The following STXBP6 variants were observed in gnomAD, a reference collection of about 807,000 sequenced individuals.
The protein encoded by STXBP6 is syntaxin binding protein 6.
In STXBP6, 21 loss-of-function variants were observed where a neutral mutation model predicts 26.9. The ratio of observed to expected loss-of-function variants is 0.78; its 90% CI spans 0.55 to 1.12. The LOEUF is 1.12. STXBP6 is among the 50% of genes most tolerant of loss of function. The pLI, the probability that STXBP6 is intolerant of heterozygous loss-of-function variation, is 0.00. For missense variants in STXBP6, 232 were observed against 257.9 expected (o/e 0.90, Z 0.69); for synonymous variants, 97 against 92.6 (o/e 1.05, Z -0.27).
intron 2 of STXBP6, among the ~76,000 whole-genome samples, chr14:24,899,203 T>A (rs1173332417): frequency 7.2e-5 from 11 of 152,186 alleles, no homozygotes. Flanking sequence ...ATAAATTTGA[T>A]TTCTAAATTA....
intron 2 of STXBP6, among the ~76,000 whole-genome samples, chr14:24,957,306 A>G (rs4983044): frequency 0.45 from 68,234 of 151,950 alleles, 15,454 homozygotes; most frequent in Non-Finnish European, 0.48. Context: ...TTAAATTGAA[A>G]CTCTATTGGT....
Position 24,904,490 on chromosome 14 carries a change from T to C in STXBP6, c.155-47333A>G, listed in dbSNP as rs141692522. Among the ~76,000 whole-genome samples, 16 of 152,302 alleles carry C rather than the reference T, an allele frequency of 1.1e-4. No individual in the cohort carries two copies. The East Asian group carries it at 1.7e-3, about 17-fold the overall frequency. ...CAACCTAATACCTATTATATATCTG[T>C]TCTGGACTAAAGTGTGTCCCCCCAA... On this transcript the variant is annotated intron_variant, in intron 2 of 5. Coordinates refer to ENST00000323944, the MANE Select transcript of STXBP6 (RefSeq NM_001394410.1).
intron 1 of STXBP6, among the ~76,000 whole-genome samples, chr14:24,981,395 T>G (rs775413793): frequency 3.9e-5 from 6 of 152,018 alleles, no homozygotes; most frequent in Non-Finnish European, 5.9e-5. Context: ...CTCAGCCTCC[T>G]GAGTAGCTGG....
chr14:24,910,609 C>T (rs2071537857), intron 2 of STXBP6, among the ~76,000 whole-genome samples: 1 of 152,160 alleles, frequency 6.6e-6, no homozygotes, highest in Non-Finnish European at 1.5e-5. Flanking sequence ...ATGAACTTTG[C>T]AACTCACAAT....
At chr14:24,960,317 G>T (rs1167607450) in intron 2 of STXBP6, among the ~76,000 whole-genome samples, 3 of 152,114 alleles carry the variant, frequency 2.0e-5, no homozygotes, top group Admixed American at 1.3e-4. Flanking sequence ...CTGCAGCAAA[G>T]GTTTCTACCT....
intron 4 of STXBP6, among the ~76,000 whole-genome samples, chr14:24,835,265 T>A (rs2068577841): frequency 6.6e-6 from 1 of 152,182 alleles, no homozygotes; most frequent in Non-Finnish European, 1.5e-5. Flanking sequence ...AACTCACAGA[T>A]CTTCTTCGAG....
intron 1 of STXBP6, among the ~76,000 whole-genome samples, chr14:24,983,606 T>C (rs562650145): frequency 6.6e-6 from 1 of 152,190 alleles, no homozygotes; most frequent in African/African-American, 2.4e-5. Flanking sequence ...GAGGAGGGTA[T>C]GATTGATAAC....
At chr14:24,877,292 C>T (rs998672708) in intron 2 of STXBP6, among the ~76,000 whole-genome samples, 4 of 152,230 alleles carry the variant, frequency 2.6e-5, no homozygotes, top group African/African-American at 9.6e-5. Context: ...ACTACTTGTT[C>T]TTTTTAAAAT....
At chr14:24,944,386 T>C (rs969730787) in intron 2 of STXBP6, among the ~76,000 whole-genome samples, 3 of 152,200 alleles carry the variant, frequency 2.0e-5, no homozygotes, top group Non-Finnish European at 2.9e-5. Flanking sequence ...ACTAAAGTTA[T>C]TTTTAAACAC....
At chr14:25,045,222 C>T (rs2075706760) in intron 1 of STXBP6, among the ~76,000 whole-genome samples, 1 of 152,104 alleles carries the variant, frequency 6.6e-6, no homozygotes, top group Admixed American at 6.5e-5. Flanking sequence ...ATAAATGTAA[C>T]CAAGTTTTTG....
intron 4 of STXBP6, among the ~76,000 whole-genome samples, chr14:24,819,715 C>T (rs1018784976): frequency 2.6e-5 from 4 of 152,178 alleles, no homozygotes; most frequent in Admixed American, 1.3e-4. Context: ...ACCCCTTCAT[C>T]CAGCAAGTAA....
intron 1 of STXBP6, among the ~76,000 whole-genome samples, chr14:25,007,731 C>T (rs2074935445): frequency 6.6e-6 from 1 of 152,188 alleles, no homozygotes; most frequent in African/African-American, 2.4e-5. Flanking sequence ...TGAATTATTT[C>T]CTCCAAATCT....
intron 1 of STXBP6, among the ~76,000 whole-genome samples, chr14:25,000,358 T>C (rs555825149): frequency 6.7e-6 from 1 of 148,900 alleles, no homozygotes; most frequent in South Asian, 2.2e-4. Flanking sequence ...CCACCGTGCC[T>C]GGCCTTTTTT....
chr14:24,968,744 C>T (rs1395170926), intron 2 of STXBP6, among the ~76,000 whole-genome samples: 1 of 151,904 alleles, frequency 6.6e-6, no homozygotes, highest in Admixed American at 6.6e-5. Context: ...AAACTAAAGC[C>T]CAGAAAAATC....
rs74037456 is a variant in STXBP6, at chr14:25,018,582, G to A, written c.-33+31296C>T. 5.7e-3 allele frequency among the ~76,000 whole-genome samples: 863 copies of A among 152,236 alleles called. 10 individuals are homozygous for A. Among genetic ancestry groups the A allele is most frequent in the African/African-American group, 0.02 (820 of 41,538 alleles). On this transcript the variant is annotated intron_variant, in intron 1 of 5. Transcript: ENST00000323944. ...CCATCTTTCCACACTCCTTCCTCAA[G>A]GGTGATTTTCAGAGTCATGAATGTT...
At chr14:25,036,268 C>T (rs1480199484) in intron 1 of STXBP6, among the ~76,000 whole-genome samples, 1 of 146,658 alleles carries the variant, frequency 6.8e-6, no homozygotes, top group African/African-American at 2.5e-5. Context: ...CAGCTTTCTA[C>T]ATCCTCAGCT....
At chr14:25,005,875 T>C (rs2074884241) in intron 1 of STXBP6, among the ~76,000 whole-genome samples, 1 of 151,374 alleles carries the variant, frequency 6.6e-6, no homozygotes, top group African/African-American at 2.4e-5. Context: ...CAGGGAAAGA[T>C]TTTGGACAAT....
At chr14:24,979,952 A>G (rs571608220) in intron 1 of STXBP6, among the ~76,000 whole-genome samples, 1 of 152,352 alleles carries the variant, frequency 6.6e-6, no homozygotes, top group East Asian at 1.9e-4. Flanking sequence ...GCTTAACTGT[A>G]CTTAACTGCT....
At chr14:25,036,872 A>G (rs1011011517) in intron 1 of STXBP6, among the ~76,000 whole-genome samples, 5 of 151,888 alleles carry the variant, frequency 3.3e-5, no homozygotes, top group Admixed American at 6.6e-5. Context: ...AAAAAAAAAA[A>G]AAAGAAATCA....
Sources: gnomAD v4.1 joint callset for allele counts (sites outside exome capture counted in the v4.1 genomes callset) on GRCh38, gnomAD v4.1.1 for gene constraint, MANE v1.5 for transcripts, NCBI Gene and HGNC (gene_info 2026-07-23, HGNC 2026-07-21) for gene names.